Variants in PSME4 observed in about 807,000 individuals in gnomAD.
PSME4 encodes proteasome activator subunit 4, also known as proteasome activator complex subunit 4.
PSME4 carries 89 observed loss-of-function variants against 253.9 expected under a neutral mutation model. The ratio of observed to expected loss-of-function variants is 0.35; its 90% confidence interval spans 0.30 to 0.42. PSME4 has a LOEUF of 0.42. Ranked by LOEUF, PSME4 falls within the 10% of genes least tolerant of loss-of-function variation. The pLI, the probability that PSME4 is intolerant of heterozygous loss-of-function variation, is 1.00. For missense variants in PSME4, 2,014 were observed against 2,195.2 expected, an observed-to-expected ratio of 0.92 and a Z score of 1.65; for synonymous variants, 851 against 759.2, an observed-to-expected ratio of 1.12 and a Z score of -1.99.
At chr2:53,956,988 G>C (rs1203605579) in intron 1 of PSME4, among the ~76,000 whole-genome samples, 1 of 152,092 alleles carries the variant, frequency 6.6e-6, no homozygotes, top group Non-Finnish European at 1.5e-5. Context: ...AAACCATTGA[G>C]TTCATGAAAA....
At chr2:53,952,496 T>C (rs1435979919) in intron 1 of PSME4, among the ~76,000 whole-genome samples, 1 of 152,106 alleles carries the variant, frequency 6.6e-6, no homozygotes, top group Non-Finnish European at 1.5e-5. Flanking sequence ...TGAGCCGAGA[T>C]GGTGCTAGAG....
At chr2:53,960,997 C>G (rs1231706432) in intron 1 of PSME4, among the ~76,000 whole-genome samples, 1 of 152,082 alleles carries the variant, frequency 6.6e-6, no homozygotes, top group Non-Finnish European at 1.5e-5. Flanking sequence ...ATCCTAGCTA[C>G]CCAGGAGGCT....
intron 41 of PSME4, among the ~76,000 whole-genome samples, chr2:53,876,203 G>C (rs112306957): frequency 1.7e-4 from 26 of 152,206 alleles, no homozygotes; most frequent in African/African-American, 4.1e-4. Context: ...TTAAGGTAAT[G>C]ACCACATATT....
At position 53,894,769 on chromosome 2, in the gene PSME4, G is replaced by A. The variant is rs530959837; in HGVS notation, c.3912+238C>T. 2.6e-3 allele frequency among the ~76,000 whole-genome samples: 395 copies of A among 152,246 alleles called. 1 individual carries two copies. The highest frequency in any genetic ancestry group is 9.1e-3 in the African/African-American group (377 of 41,544). On this transcript the variant is annotated intron_variant, in intron 34 of 46. Transcript: ENST00000404125. ...CAAATTACATAAAGCAGTAGCCAAC[G>A]GAGGGCTGAATGGGGTAGTAACTCA...
intron 1 of PSME4, among the ~76,000 whole-genome samples, chr2:53,965,669 TG>T (rs1670693768): frequency 8.7e-6 from 1 of 114,890 alleles, no homozygotes; most frequent in Non-Finnish European, 1.9e-5. Context: ...TGTGTTTTTT[TG>T]TTTTTTTTTT....
rs367622925 is a variant in PSME4, at chr2:53,970,599, G to A, written c.186C>T (p.Ala62=). The A allele has an allele frequency of 3.1e-4, 480 of 1,549,354 alleles. No individual in the cohort carries two copies. The highest frequency in any genetic ancestry group is 3.8e-4 in the Non-Finnish European group (434 of 1,146,902). The change falls in exon 1 of 47, where the codon GCC becomes GCT. Residue 62 remains alanine (A), a synonymous_variant. Coordinates refer to ENST00000404125, the MANE Select transcript of PSME4 (RefSeq NM_014614.3). ...LAQIKCNLGR[A]VQLQELWPGG... Reference sequence around the variant, plus strand: ...CGGGCCACAGCTCTTGGAGCTGCACGGCCCGGCCCAGGTTGCATTTGATCT... The same window carrying A: ...CGGGCCACAGCTCTTGGAGCTGCACAGCCCGGCCCAGGTTGCATTTGATCT...
At position 53,936,100 on chromosome 2, in the gene PSME4, G is replaced by T. The variant is rs1253389049; in HGVS notation, c.821C>A (p.Pro274Gln). Reference sequence around the variant, plus strand: ...AATGTTAATTACCTTTGGTACATATGGATCCCAATCTATGTACCCTATATT... The same window carrying T: ...AATGTTAATTACCTTTGGTACATATTGATCCCAATCTATGTACCCTATATT... ...TDNIGYIDWD[P>Q]YVPKIFTRIL... Residue 274 changes from proline (P) to glutamine (Q), a missense_variant, in exon 7 of 47, where the codon CCA (proline) becomes CAA (glutamine). Pro to Gln is a moderately conservative substitution (Grantham distance 76). Coordinates refer to ENST00000404125, the MANE Select transcript of PSME4 (RefSeq NM_014614.3). 3 of 1,612,110 alleles carry T rather than the reference G, an allele frequency of 1.9e-6. No homozygotes were observed. The highest frequency in any genetic ancestry group is 2.5e-6 in the Non-Finnish European group (3 of 1,178,968).
intron 30 of PSME4, 143 bp downstream of exon 30, chr2:53,898,158 C>T (rs1466313612): frequency 8.6e-7 from 1 of 1,161,922 alleles, no homozygotes; most frequent in East Asian, 2.5e-5. Flanking sequence ...TTCCCTCCAT[C>T]TCTTTTCCTC....
intron 37 of PSME4, 60 bp from the exon 38 acceptor site, chr2:53,888,872 A>G: frequency 7.9e-7 from 1 of 1,263,158 alleles, no homozygotes; most frequent in Non-Finnish European, 1.1e-6. Context: ...TAAACAAATC[A>G]TACTCAGTTA....
chr2:53,958,967 C>T (rs930274304), intron 1 of PSME4, among the ~76,000 whole-genome samples: 4 of 151,992 alleles, frequency 2.6e-5, no homozygotes, highest in Non-Finnish European at 5.9e-5. Flanking sequence ...CATGTTAAAA[C>T]TTTACTAAAA....
At chr2:53,882,765 A>G (rs1450422252) in intron 41 of PSME4, among the ~76,000 whole-genome samples, 1 of 152,204 alleles carries the variant, frequency 6.6e-6, no homozygotes, top group Non-Finnish European at 1.5e-5. Flanking sequence ...CACATAAGGA[A>G]TAACAAGTAT....
At chr2:53,935,552 G>A (rs1301763184) in intron 7 of PSME4, among the ~76,000 whole-genome samples, 1 of 152,158 alleles carries the variant, frequency 6.6e-6, no homozygotes, top group Non-Finnish European at 1.5e-5. Flanking sequence ...AATATATACT[G>A]TGATCTAAAA....
chr2:53,935,001 T>C (rs1669037653), intron 7 of PSME4, among the ~76,000 whole-genome samples: 1 of 152,234 alleles, frequency 6.6e-6, no homozygotes, highest in Admixed American at 6.5e-5. Flanking sequence ...TGATTATTTA[T>C]GGCTAAATAT....
chr2:53,873,173 G>A (rs998545471), intron 43 of PSME4, among the ~76,000 whole-genome samples: 4 of 148,832 alleles, frequency 2.7e-5, no homozygotes, highest in East Asian at 4.1e-4. Context: ...CCCAGGAGGC[G>A]GAGCTTGCAG....
chr2:53,887,178 TA>T (rs911597257), intron 40 of PSME4, 80 bp downstream of exon 40: 7 of 1,282,202 alleles, frequency 5.5e-6, no homozygotes, highest in Non-Finnish European at 7.8e-6. Context: ...TTTACCACAA[TA>T]AAAAAAGTGG....
intron 37 of PSME4, among the ~76,000 whole-genome samples, 189 bp from the exon 38 acceptor site, chr2:53,889,001 G>A (rs930904875): frequency 6.6e-6 from 1 of 152,148 alleles, no homozygotes; most frequent in Non-Finnish European, 1.5e-5. Context: ...AAGTAGCTGG[G>A]ACCACAGGCA....
chr2:53,949,168 C>A lies in PSME4; in HGVS notation c.358G>T (p.Ala120Ser). ...TTTAACAAGTTGATCAAAAGGCGGG[C>A]AAATCCCTGCATCATGCTGATTTCC... ...KLEISMMQGF[A>S]RLLINLLKKK... The change falls in exon 2 of 47, where the codon GCC becomes TCC. Residue 120 changes from alanine to serine, a missense_variant. Physicochemically the swap from Ala to Ser is moderately conservative, Grantham distance 99. Coordinates refer to ENST00000404125, the MANE Select transcript of PSME4 (RefSeq NM_014614.3). 6.2e-7 allele frequency: 1 copy of A among 1,602,168 alleles called. No individual in the cohort carries two copies.
rs565841263 is a variant in PSME4, at chr2:53,921,056, C to T, written c.2095G>A (p.Val699Ile). Residue 699 changes from valine (V) to isoleucine (I), a missense_variant, in exon 18 of 47, where the codon GTA becomes ATA. Around this residue, in one of 4 missense-constraint regions of PSME4, gnomAD observed 989 missense variants for 1,021.1 expected, o/e 0.97. Transcript: ENST00000404125. ...RKLLLYREQL[V>I]KILQRTLHLT... ...TGTAGGGTTCTTTGGAGAATCTTTA[C>T]AAGCTGCTCCCTATAAAGAAGCAAC... The T allele has an allele frequency of 5.3e-5, 86 of 1,614,042 alleles. No homozygotes were observed. In the South Asian group the frequency reaches 9.4e-4, roughly 18 times the overall value.
intron 5 of PSME4, 32 bp from the exon 6 acceptor site, chr2:53,936,859 A>C: frequency 6.7e-7 from 1 of 1,493,108 alleles, no homozygotes; most frequent in Non-Finnish European, 9.2e-7. Context: ...ATGAATAGCA[A>C]GTGATTTTAA....
Sources: allele counts gnomAD v4.1 joint callset (sites outside exome capture counted in the v4.1 genomes callset), GRCh38; gene constraint gnomAD v4.1.1; regional missense constraint gnomAD v4.1.1; transcripts MANE v1.5; gene names NCBI Gene and HGNC (gene_info 2026-07-23, HGNC 2026-07-21).